The following SPATA17 variants were observed in gnomAD, a reference collection of about 807,000 sequenced individuals.
SPATA17 encodes the protein spermatogenesis associated 17.
SPATA17 carries 53 observed loss-of-function variants against 62.2 expected under a neutral mutation model. The observed-to-expected ratio is 0.85, with a 90% CI of 0.68 to 1.07. The LOEUF (loss-of-function observed/expected upper bound fraction) is 1.07, where lower values mean the gene tolerates loss of function less well. Ranked by LOEUF, SPATA17 falls within the 50% of genes least tolerant of loss-of-function variation. SPATA17 has a pLI of 0.00. For missense variants in SPATA17, 466 were observed against 425.5 expected, an observed-to-expected ratio of 1.10 and a Z score of -0.84; for synonymous variants, 146 against 146.8, an observed-to-expected ratio of 0.99 and a Z score of 0.04.
chr1:217,771,848 A>AAGG (rs10639880), intron 6 of SPATA17, among the ~76,000 whole-genome samples: 152,058 of 152,304 alleles, frequency 1, 75,906 homozygotes, highest in East Asian at 1. Flanking sequence ...GCAAATGTGC[A>AAGG]AGATCAAAGA....
intron 1 of SPATA17, among the ~76,000 whole-genome samples, chr1:217,636,354 AAG>A (rs1355987652): frequency 2.0e-5 from 3 of 152,242 alleles, no homozygotes; most frequent in African/African-American, 7.2e-5. Context: ...GGTTAGGACT[AAG>A]AGGATTATCC....
intron 5 of SPATA17, among the ~76,000 whole-genome samples, chr1:217,715,061 T>C (rs546112872): frequency 6.6e-6 from 1 of 152,174 alleles, no homozygotes; most frequent in Admixed American, 6.5e-5. Flanking sequence ...GAGATTAATA[T>C]ATGGCATAAG....
At position 217,824,012 on chromosome 1, in the gene SPATA17, T is replaced by C. The variant is rs900364091; in HGVS notation, c.1005+22162T>C. Among the ~76,000 whole-genome samples the C allele has an allele frequency of 5.3e-5, 8 of 152,128 alleles. No homozygotes were observed. In the East Asian group the frequency reaches 1.5e-3, roughly 29 times the overall value. On this transcript the variant is annotated intron_variant, in intron 9 of 10. Transcript: ENST00000366933. ...CCTTACAGGTAAAGTAAGTCTCTTG[T>C]AAGCAGCTCATAGTTGTAGGCAGCA...
intron 9 of SPATA17, among the ~76,000 whole-genome samples, chr1:217,816,858 CTAGTT>C (rs1285059727): frequency 2.0e-5 from 3 of 152,000 alleles, no homozygotes; most frequent in African/African-American, 7.2e-5. Context: ...TAAACTCTCT[CTAGTT>C]TATAAAGTGT....
intron 1 of SPATA17, among the ~76,000 whole-genome samples, chr1:217,636,425 T>C (rs774200250): frequency 6.6e-6 from 1 of 151,966 alleles, no homozygotes; most frequent in Non-Finnish European, 1.5e-5. Context: ...ATTATTATTA[T>C]CATTTTGAGA....
At chr1:217,811,351 A>G (rs759456933) in intron 9 of SPATA17, among the ~76,000 whole-genome samples, 18 of 152,180 alleles carry the variant, frequency 1.2e-4, no homozygotes, top group Admixed American at 2.6e-4. Context: ...TTTAAATCAT[A>G]ATAAATCATC....
At chr1:217,780,416 T>G (rs1257785135) in intron 7 of SPATA17, among the ~76,000 whole-genome samples, 3 of 151,982 alleles carry the variant, frequency 2.0e-5, no homozygotes. Flanking sequence ...AAGGTGGGAG[T>G]GAACCCAAAA....
chr1:217,836,949 A>G (rs1479860018), intron 9 of SPATA17, among the ~76,000 whole-genome samples: 1 of 152,168 alleles, frequency 6.6e-6, no homozygotes, highest in Admixed American at 6.6e-5. Flanking sequence ...ATGAACCACA[A>G]GAGTTATTTT....
chr1:217,638,266 C>T (rs1453487235), intron 1 of SPATA17, among the ~76,000 whole-genome samples: 1 of 151,876 alleles, frequency 6.6e-6, no homozygotes, highest in Non-Finnish European at 1.5e-5. Context: ...AAACTTCAGT[C>T]AGATAAAGTT....
intron 5 of SPATA17, among the ~76,000 whole-genome samples, chr1:217,735,238 G>C (rs890980200): frequency 6.6e-6 from 1 of 152,204 alleles, no homozygotes; most frequent in African/African-American, 2.4e-5. Flanking sequence ...CTAAACAAGA[G>C]AAATTTGTTT....
intron 6 of SPATA17, among the ~76,000 whole-genome samples, chr1:217,755,036 A>C (rs1272122879): frequency 6.6e-6 from 1 of 152,154 alleles, no homozygotes. Context: ...ACATGAAATA[A>C]TCTATAAATT....
intron 4 of SPATA17, among the ~76,000 whole-genome samples, chr1:217,673,930 G>A (rs1670888033): frequency 1.3e-5 from 2 of 152,086 alleles, no homozygotes; most frequent in Admixed American, 6.6e-5. Context: ...AATATTTAGT[G>A]TTTTCTCTTG....
At position 217,683,347 on chromosome 1, in the gene SPATA17, C is replaced by T; in HGVS notation, c.381C>T (p.Thr127=). ...LKEYLKVVSE[T]NDAIRKALEE... ...AGTACCTGAAAGTCGTTTCAGAGAC[C>T]AATGATGCAATTAGGTAAGTAGTGC... Residue 127 remains threonine (T), a synonymous_variant, in exon 5 of 11, where the codon ACC becomes ACT. Transcript: ENST00000366933. The T allele has an allele frequency of 6.2e-7, 1 of 1,602,054 alleles. No individual in the cohort carries two copies. The highest frequency in any genetic ancestry group is 8.5e-7 in the Non-Finnish European group (1 of 1,171,158).
intron 6 of SPATA17, among the ~76,000 whole-genome samples, chr1:217,772,253 CT>C (rs1356329875): frequency 2.6e-5 from 4 of 152,042 alleles, no homozygotes; most frequent in African/African-American, 9.7e-5. Context: ...TCTATATTTA[CT>C]GTTATAGTGA....
intron 5 of SPATA17, among the ~76,000 whole-genome samples, chr1:217,689,305 A>T (rs1163239087): frequency 7.3e-6 from 1 of 137,648 alleles, no homozygotes; most frequent in Non-Finnish European, 1.5e-5. Context: ...GGCTTACTGC[A>T]ATCTCTGCCT....
At chr1:217,705,692 G>A (rs1341608809) in intron 5 of SPATA17, among the ~76,000 whole-genome samples, 1 of 152,042 alleles carries the variant, frequency 6.6e-6, no homozygotes, top group Non-Finnish European at 1.5e-5. Context: ...ACCTGCCTCA[G>A]CCTCCCAAAG....
intron 5 of SPATA17, among the ~76,000 whole-genome samples, chr1:217,717,234 A>G (rs1302788689): frequency 6.6e-6 from 1 of 152,202 alleles, no homozygotes; most frequent in Non-Finnish European, 1.5e-5. Flanking sequence ...GTCATGGCCA[A>G]TGAGACATTA....
chr1:217,799,595 AT>A (rs1168784420), intron 8 of SPATA17, among the ~76,000 whole-genome samples: 2 of 152,102 alleles, frequency 1.3e-5, no homozygotes, highest in Non-Finnish European at 1.5e-5. Context: ...TATTCTGTTT[AT>A]TTTTTATTTT....
chr1:217,642,355 T>G (rs1670084268), intron 1 of SPATA17, among the ~76,000 whole-genome samples: 3 of 152,214 alleles, frequency 2.0e-5, no homozygotes. Flanking sequence ...TCCTATTTTA[T>G]TCAGTGGGTT....
Sources: gnomAD v4.1 joint callset for allele counts (sites outside exome capture counted in the v4.1 genomes callset) on GRCh38, gnomAD v4.1.1 for gene constraint, MANE v1.5 for transcripts, NCBI Gene and HGNC (gene_info 2026-07-23, HGNC 2026-07-21) for gene names.